TOX3: variants seen among roughly 807,000 people sequenced by gnomAD.
TOX3 encodes the protein TOX high mobility group box family member 3, also known as CAG trinucleotide repeat-containing gene F9 protein.
Under a neutral mutation model 64.3 loss-of-function variants are expected in TOX3, and 22 were observed. That is an observed-to-expected ratio of 0.34 (90% CI 0.24 to 0.49). TOX3 has a LOEUF of 0.49. Among genes scored for constraint, TOX3 ranks in the 20% least tolerant of loss-of-function variants. The pLI is 0.99. For synonymous variants in TOX3, 291 were observed against 273.6 expected (o/e 1.06, Z -0.63); for missense variants, 661 against 714.4 (o/e 0.93, Z 0.85).
chr16:52,518,362 A>G (rs1190397293), intron 1 of TOX3, among the ~76,000 whole-genome samples: 1 of 152,202 alleles, frequency 6.6e-6, no homozygotes. Context: ...TAAATTTAAT[A>G]AGGATCAGAA....
intron 3 of TOX3, among the ~76,000 whole-genome samples, chr16:52,459,892 G>C (rs1596789482): frequency 6.6e-6 from 1 of 151,956 alleles, no homozygotes; most frequent in South Asian, 2.1e-4. Flanking sequence ...CAAAATTAGA[G>C]CCATGCCAAG....
chr16:52,547,040 G>T lies in TOX3; in HGVS notation c.-317C>A. 1 of 750,504 alleles carries T rather than the reference G, an allele frequency of 1.3e-6. No individual in the cohort carries two copies. Among genetic ancestry groups the T allele is most frequent in the Non-Finnish European group, 1.6e-6 (1 of 617,636 alleles). 46.5% of individuals were successfully genotyped at this position (750,504 alleles called of 1,614,324 possible). On this transcript the variant is annotated 5_prime_UTR_variant, in exon 1 of 7. Transcript: ENST00000219746. ...GCGCTGGGGCCCGGGTCGGCGAGGC[G>T]AGTTCAGGTGCGCTGGGCGAGGCTG...
rs1963213454 is a variant in TOX3 at position 52,547,032 on chromosome 16, G to C, written c.-309C>G. On this transcript the variant is annotated 5_prime_UTR_variant, in exon 1 of 7. Coordinates refer to ENST00000219746, the MANE Select transcript of TOX3 (RefSeq NM_001080430.4). ...GGGGCGCGGCGCTGGGGCCCGGGTC[G>C]GCGAGGCGAGTTCAGGTGCGCTGGG... 15 of 832,922 alleles carry C rather than the reference G, an allele frequency of 1.8e-5. No homozygotes were observed. The highest frequency in any genetic ancestry group is 2.2e-5 in the Non-Finnish European group (15 of 693,140). The allele number at this position is 832,922 out of a possible 1,614,324, so 51.6% of individuals were successfully genotyped here. A position where few individuals can be genotyped will look rare whatever the true frequency, so the allele number is the denominator to read the frequency against.
chr16:52,440,064 G>T (rs996497802), intron 6 of TOX3, 96 bp from the exon 7 acceptor site: 4 of 1,041,658 alleles, frequency 3.8e-6, no homozygotes, highest in Non-Finnish European at 2.7e-6. Context: ...TTTTTTTAAC[G>T]GCCACCATTA....
chr16:52,464,019 G>A lies in TOX3; in HGVS notation c.323C>T (p.Pro108Leu). 1 of 1,600,156 alleles carries A rather than the reference G, an allele frequency of 6.2e-7. No homozygotes were observed. Among genetic ancestry groups the A allele is most frequent in the Non-Finnish European group, 8.5e-7 (1 of 1,173,510 alleles). Residue 108 changes from proline (P) to leucine (L), a missense_variant, in exon 3 of 7, where the codon CCT (proline) becomes CTT (leucine). Pro to Leu is a moderately conservative substitution (Grantham distance 98). Around this residue, in one of 3 missense-constraint regions of TOX3, gnomAD observed 259 missense variants for 261.2 expected, o/e 0.99. Coordinates refer to ENST00000219746, the MANE Select transcript of TOX3 (RefSeq NM_001080430.4). The stretch of plus-strand genomic sequence containing the variant: ...AATGGAAGGGAGGTCCAGGCTTTGA[G>A]GGGGAAACTGGGGTGTGAATTCACT... ...QGSEFTPQFP[P>L]QSLDLPSITI...
intron 1 of TOX3, among the ~76,000 whole-genome samples, chr16:52,506,110 G>A (rs146957096): frequency 3.9e-5 from 6 of 152,300 alleles, no homozygotes; most frequent in East Asian, 1.9e-4. Context: ...GACAAGAGCC[G>A]TCGTGTTAAA....
intron 1 of TOX3, among the ~76,000 whole-genome samples, chr16:52,530,225 C>A (rs187537436): frequency 6.6e-6 from 1 of 152,256 alleles, no homozygotes; most frequent in Non-Finnish European, 1.5e-5. Flanking sequence ...AAGTTGAATT[C>A]TAATGTATGT....
intron 2 of TOX3, 72 bp downstream of exon 2, chr16:52,468,437 T>C (rs904033235): frequency 1.5e-6 from 2 of 1,359,708 alleles, no homozygotes; most frequent in Admixed American, 1.9e-5. Flanking sequence ...TACTTTGTTT[T>C]TCCCTTCAAG....
rs1277433121 is a variant in TOX3, at chr16:52,437,783, G to T, written c.*1442C>A. ...TTTTCTCTATACTTACCTTGTACTT[G>T]CATCTTAAAAAAAAAAAAAAAAAAA... On this transcript the variant is annotated 3_prime_UTR_variant, in exon 7 of 7. Transcript: ENST00000219746. Among the ~76,000 whole-genome samples the T allele has an allele frequency of 8.3e-5, 8 of 96,450 alleles. No individual in the cohort carries two copies. The highest frequency in any genetic ancestry group is 3.4e-4 in the African/African-American group (8 of 23,450). The allele number at this position is 96,450 out of a possible 152,430, so 63.3% of individuals were successfully genotyped here. A position where few individuals can be genotyped will look rare whatever the true frequency, so the allele number is the denominator to read the frequency against.
chr16:52,485,224 GTGTGTGTGTGTA>G (rs1182963993), intron 1 of TOX3, among the ~76,000 whole-genome samples: 1 of 87,714 alleles, frequency 1.1e-5, no homozygotes, highest in Non-Finnish European at 2.1e-5. Context: ...GTATATACAT[GTGTGTGTGTGTA>G]TGTGTGTGTG....
rs1384392045 is a variant in TOX3 at position 52,450,285 on chromosome 16, C to T, written c.670G>A (p.Ala224Thr). The T allele has an allele frequency of 6.2e-7, 1 of 1,613,888 alleles. No homozygotes were observed. ...AGGCAGTTCTAACTTACTCTGTTGG[C>T]TTCATCAGCATCCTCTTCATTGATG... The part of the protein sequence containing the change: ...SSINEEDADE[A>T]NRAIGEKRAA... The change falls in exon 4 of 7, where the codon GCC becomes ACC. Residue 224 changes from alanine (A) to threonine (T), a missense_variant. Physicochemically the swap from Ala to Thr is moderately conservative, Grantham distance 58 (BLOSUM62 0). Coordinates refer to ENST00000219746, the MANE Select transcript of TOX3 (RefSeq NM_001080430.4).
chr16:52,467,023 G>A (rs955032228), intron 2 of TOX3, among the ~76,000 whole-genome samples: 3 of 152,112 alleles, frequency 2.0e-5, no homozygotes, highest in African/African-American at 7.2e-5. Flanking sequence ...TACAGATATT[G>A]ACTTTTCAAT....
At chr16:52,444,238 G>A (rs754420214) in intron 6 of TOX3, 38 bp downstream of exon 6, 1 of 1,476,162 alleles carries the variant, frequency 6.8e-7, no homozygotes, top group Admixed American at 2.1e-5. Context: ...TCCACGCTGT[G>A]ACTATTTTGG....
intron 2 of TOX3, among the ~76,000 whole-genome samples, chr16:52,464,592 T>C (rs773075851): frequency 1.3e-5 from 2 of 152,148 alleles, no homozygotes; most frequent in African/African-American, 4.8e-5. Context: ...CACACACACA[T>C]ATTAATCCAG....
At chr16:52,545,633 C>T (rs1963157464) in intron 1 of TOX3, among the ~76,000 whole-genome samples, 1 of 152,148 alleles carries the variant, frequency 6.6e-6, no homozygotes, top group Admixed American at 6.5e-5. Flanking sequence ...GAGGGAGGAG[C>T]AGGAGGAAGG....
At chr16:52,465,303 C>T (rs1960827528) in intron 2 of TOX3, among the ~76,000 whole-genome samples, 1 of 151,640 alleles carries the variant, frequency 6.6e-6, no homozygotes, top group Non-Finnish European at 1.5e-5. Context: ...AGTGAGCCAC[C>T]GTGCCCAGCC....
Position 52,445,906 on chromosome 16 carries a change from G to C in TOX3, c.906+88C>G. The C allele has an allele frequency of 4.1e-6, 5 of 1,223,852 alleles. No individual in the cohort carries two copies. In the South Asian group the frequency reaches 5.9e-5, roughly 14 times the overall value. 75.8% of individuals were successfully genotyped at this position (1,223,852 alleles called of 1,614,324 possible). ...ATTTCAAAAGAAGCAATCATATTAA[G>C]TGAACACATGCACTTGGAAAAGGTG... On this transcript the variant is annotated intron_variant, in intron 5 of 6. Coordinates refer to ENST00000219746, the MANE Select transcript of TOX3 (RefSeq NM_001080430.4).
intron 3 of TOX3, among the ~76,000 whole-genome samples, chr16:52,458,611 A>G (rs1467276619): frequency 6.6e-6 from 1 of 152,190 alleles, no homozygotes; most frequent in African/African-American, 2.4e-5. Context: ...TATAAACTAA[A>G]CAATAATCAT....
At chr16:52,477,111 G>A (rs937045183) in intron 1 of TOX3, among the ~76,000 whole-genome samples, 5 of 152,150 alleles carry the variant, frequency 3.3e-5, no homozygotes, top group African/African-American at 1.2e-4. Flanking sequence ...TTAGGAACAA[G>A]TCTTTAACCA....
Sources: allele counts gnomAD v4.1 joint callset (sites outside exome capture counted in the v4.1 genomes callset), GRCh38; gene constraint gnomAD v4.1.1; regional missense constraint gnomAD v4.1.1; transcripts MANE v1.5; gene names NCBI Gene and HGNC (gene_info 2026-07-23, HGNC 2026-07-21).